SPAG16: variants seen among roughly 807,000 people sequenced by gnomAD.
SPAG16 encodes the protein sperm-associated antigen 16 protein.
In SPAG16, 86 loss-of-function variants were observed where a neutral mutation model predicts 80.4. The observed-to-expected ratio is 1.07, with a 90% CI of 0.90 to 1.28. The LOEUF (loss-of-function observed/expected upper bound fraction) is 1.28. Ranked by LOEUF, SPAG16 falls within the 50% of genes most tolerant of loss-of-function variation. The pLI, the probability that SPAG16 is intolerant of heterozygous loss-of-function variation, is 0.00. For missense variants in SPAG16, 870 were observed against 765.3 expected, an observed-to-expected ratio of 1.14 and a Z score of -1.61; for synonymous variants, 294 against 265.9, an observed-to-expected ratio of 1.11 and a Z score of -1.03.
At chr2:213,477,717 G>T (rs1025656714) in intron 9 of SPAG16, among the ~76,000 whole-genome samples, 4 of 152,196 alleles carry the variant, frequency 2.6e-5, no homozygotes, top group African/African-American at 9.6e-5. Context: ...AGGATCATAG[G>T]TGGAAGGGAC....
chr2:213,736,774 G>A (rs945420656), intron 10 of SPAG16, among the ~76,000 whole-genome samples: 4 of 148,566 alleles, frequency 2.7e-5, no homozygotes, highest in Admixed American at 2.0e-4. Context: ...GCGAGATCTC[G>A]GCTTGCTGCA....
At chr2:213,851,465 G>A (rs1273439145) in intron 10 of SPAG16, among the ~76,000 whole-genome samples, 4 of 152,226 alleles carry the variant, frequency 2.6e-5, no homozygotes, top group East Asian at 1.9e-4. Context: ...CCAAGATTGC[G>A]CCACTGCACT....
At chr2:213,462,611 C>T (rs561221094) in intron 9 of SPAG16, among the ~76,000 whole-genome samples, 16 of 152,210 alleles carry the variant, frequency 1.1e-4, no homozygotes, top group East Asian at 3.9e-4. Context: ...GTGAGTCTCA[C>T]GAGATCTGAT....
chr2:213,600,756 G>A (rs983624076), intron 10 of SPAG16, among the ~76,000 whole-genome samples: 3 of 152,102 alleles, frequency 2.0e-5, no homozygotes, highest in African/African-American at 4.8e-5. Context: ...ATTTTTACCC[G>A]AGAGAAATTT....
At chr2:213,857,027 A>G (rs1348444463) in intron 10 of SPAG16, among the ~76,000 whole-genome samples, 1 of 152,110 alleles carries the variant, frequency 6.6e-6, no homozygotes, top group Non-Finnish European at 1.5e-5. Context: ...GTCAGGAATT[A>G]GAGACCAGCC....
chr2:213,715,045 T>G (rs2066168840), intron 10 of SPAG16, among the ~76,000 whole-genome samples: 1 of 152,182 alleles, frequency 6.6e-6, no homozygotes. Context: ...TTTGTTCCTA[T>G]GATGGGATTT....
chr2:213,953,384 A>G (rs972741682), intron 12 of SPAG16, among the ~76,000 whole-genome samples: 5 of 151,876 alleles, frequency 3.3e-5, no homozygotes, highest in Admixed American at 3.3e-4. Context: ...ATTTAGGAAA[A>G]GGAGAAAAAC....
intron 10 of SPAG16, among the ~76,000 whole-genome samples, chr2:213,826,380 C>G (rs187833956): frequency 6.6e-6 from 1 of 151,838 alleles, no homozygotes; most frequent in Non-Finnish European, 1.5e-5. Context: ...GCACTTATAG[C>G]TATAAACTTT....
chr2:214,014,933 A>G (rs866241807), intron 13 of SPAG16, among the ~76,000 whole-genome samples: 3 of 152,200 alleles, frequency 2.0e-5, no homozygotes, highest in Non-Finnish European at 2.9e-5. Context: ...GCCTCCAGCC[A>G]GAAGCCAGAA....
chr2:214,052,908 G>A (rs1342940458), intron 13 of SPAG16, among the ~76,000 whole-genome samples: 1 of 152,182 alleles, frequency 6.6e-6, no homozygotes, highest in Non-Finnish European at 1.5e-5. Context: ...GTGCGTTAGA[G>A]GAAGACAAGA....
At chr2:213,803,887 A>G (rs1251291437) in intron 10 of SPAG16, among the ~76,000 whole-genome samples, 1 of 152,204 alleles carries the variant, frequency 6.6e-6, no homozygotes. Context: ...CAAATCAGCC[A>G]GACTTCATGG....
At chr2:213,593,884 C>G (rs1052225549) in intron 10 of SPAG16, among the ~76,000 whole-genome samples, 3 of 149,326 alleles carry the variant, frequency 2.0e-5, no homozygotes, top group African/African-American at 7.4e-5. Flanking sequence ...CCGCTATTCT[C>G]CTGCCTCAGC....
chr2:213,716,628 C>A (rs1242187017), intron 10 of SPAG16, among the ~76,000 whole-genome samples: 1 of 152,174 alleles, frequency 6.6e-6, no homozygotes, highest in Non-Finnish European at 1.5e-5. Context: ...TATAATTCTT[C>A]TGAGGGCAAC....
chr2:213,986,983 A>G (rs1036094065), intron 12 of SPAG16, among the ~76,000 whole-genome samples: 5 of 151,914 alleles, frequency 3.3e-5, no homozygotes, highest in Admixed American at 6.6e-5. Context: ...GAGGGAAAAA[A>G]CAAAATGCTA....
intron 10 of SPAG16, among the ~76,000 whole-genome samples, chr2:213,520,545 G>A (rs1243964374): frequency 6.6e-6 from 1 of 151,542 alleles, no homozygotes; most frequent in African/African-American, 2.4e-5. Flanking sequence ...AGTGAGCCGA[G>A]ATCACACCAC....
At chr2:214,104,050 G>C (rs945509744) in intron 13 of SPAG16, among the ~76,000 whole-genome samples, 3 of 152,088 alleles carry the variant, frequency 2.0e-5, no homozygotes, top group African/African-American at 4.8e-5. Context: ...GGAAAGCATC[G>C]GTTTGCAATC....
intron 9 of SPAG16, among the ~76,000 whole-genome samples, chr2:213,469,701 T>C (rs1203936960): frequency 1.3e-5 from 2 of 151,060 alleles, no homozygotes; most frequent in Non-Finnish European, 2.9e-5. Context: ...TCACAGGGCA[T>C]GGTAATACTG....
At chr2:213,735,838 T>A (rs891303392) in intron 10 of SPAG16, among the ~76,000 whole-genome samples, 1 of 152,226 alleles carries the variant, frequency 6.6e-6, no homozygotes, top group Non-Finnish European at 1.5e-5. Flanking sequence ...TTGAAAGATA[T>A]ATTATGTCTA....
chr2:214,326,578 G>T (rs1480108314), intron 15 of SPAG16, among the ~76,000 whole-genome samples: 2 of 152,172 alleles, frequency 1.3e-5, no homozygotes, highest in African/African-American at 4.8e-5. Flanking sequence ...ATTCAGAGTG[G>T]CAGAGTAAGT....
Sources: gnomAD v4.1 joint callset for allele counts (sites outside exome capture counted in the v4.1 genomes callset) on GRCh38, gnomAD v4.1.1 for gene constraint, MANE v1.5 for transcripts, NCBI Gene and HGNC (gene_info 2026-07-23, HGNC 2026-07-21) for gene names.